Variants in ATF6 observed in about 807,000 individuals in gnomAD.
ATF6 encodes the protein cyclic AMP-dependent transcription factor ATF-6 alpha.
Under a neutral mutation model 83.6 loss-of-function variants are expected in ATF6, and 53 were observed. That is an observed-to-expected ratio of 0.63 (90% CI 0.51 to 0.80). ATF6 has a LOEUF of 0.80. Ranked by LOEUF, ATF6 falls within the 30% of genes least tolerant of loss-of-function variation. The pLI, the probability that ATF6 is intolerant of heterozygous loss-of-function variation, is 0.00. For missense variants in ATF6, 744 were observed against 797.9 expected (o/e 0.93, Z 0.81); for synonymous variants, 288 against 285.8 (o/e 1.01, Z -0.08).
intron 10 of ATF6, 53 bp from the exon 11 acceptor site, chr1:161,851,669 C>G: frequency 7.8e-7 from 1 of 1,289,436 alleles, no homozygotes; most frequent in Non-Finnish European, 1.1e-6. Flanking sequence ...TTATAGCAAA[C>G]TTCTTAGGAA....
intron 14 of ATF6, among the ~76,000 whole-genome samples, chr1:161,888,626 T>G (rs1687481808): frequency 6.6e-6 from 1 of 152,216 alleles, no homozygotes; most frequent in Non-Finnish European, 1.5e-5. Flanking sequence ...CAAGTACTGT[T>G]AATTTTACTT....
chr1:161,961,644 TTTTA>T lies in ATF6; in HGVS notation c.*2997_*3000del, dbSNP rs1315402243. 10 of 152,206 alleles carry T rather than the reference TTTTA, an allele frequency of 6.6e-5. No homozygotes were observed. The highest frequency in any genetic ancestry group is 1.3e-4 in the Admixed American group (2 of 15,280). The allele number at this position is 152,206 out of a possible 1,614,324, so 9.4% of individuals were successfully genotyped here. On this transcript the variant is annotated 3_prime_UTR_variant, in exon 16 of 16. Transcript: ENST00000367942. Reference sequence around the variant, plus strand: ...GAAATTGTGGGTAATGTGTGTATTTTTTTATTTATTAAATTTTAAACAGGATTGT... The same window carrying T: ...GAAATTGTGGGTAATGTGTGTATTTTTTTATTAAATTTTAAACAGGATTGT...
chr1:161,844,742 C>T (rs1686442094), intron 9 of ATF6, among the ~76,000 whole-genome samples: 1 of 151,818 alleles, frequency 6.6e-6, no homozygotes, highest in East Asian at 1.9e-4. Flanking sequence ...AGTTAGTTTC[C>T]TAAAGAAGAA....
At chr1:161,930,138 C>T (rs1338273666) in intron 15 of ATF6, among the ~76,000 whole-genome samples, 2 of 152,210 alleles carry the variant, frequency 1.3e-5, no homozygotes, top group Non-Finnish European at 2.9e-5. Flanking sequence ...AATGTTTTTA[C>T]TCAAGCCGAT....
At chr1:161,824,119 A>G (rs1335507377) in intron 9 of ATF6, among the ~76,000 whole-genome samples, 2 of 151,964 alleles carry the variant, frequency 1.3e-5, no homozygotes, top group African/African-American at 2.4e-5. Flanking sequence ...ATTTCCTAAC[A>G]CTGGATATTG....
chr1:161,788,027 T>C (rs572969870), intron 4 of ATF6, among the ~76,000 whole-genome samples: 1 of 152,348 alleles, frequency 6.6e-6, no homozygotes, highest in Admixed American at 6.5e-5. Context: ...ATAATGAATA[T>C]TTTAAAAAAT....
chr1:161,783,849 T>C (rs1187215772), intron 3 of ATF6, 141 bp from the exon 4 acceptor site: 3 of 608,222 alleles, frequency 4.9e-6, no homozygotes, highest in Non-Finnish European at 8.7e-6. Context: ...TCTGCATCTT[T>C]CATTTTCACT....
intron 2 of ATF6, among the ~76,000 whole-genome samples, chr1:161,780,139 T>C (rs900372568): frequency 6.6e-6 from 1 of 152,190 alleles, no homozygotes; most frequent in African/African-American, 2.4e-5. Flanking sequence ...ATACTTTTTT[T>C]TCATGTGCAC....
At chr1:161,823,348 A>G (rs139978436) in intron 9 of ATF6, among the ~76,000 whole-genome samples, 22 of 152,200 alleles carry the variant, frequency 1.4e-4, no homozygotes, top group African/African-American at 5.3e-4. Flanking sequence ...TTTGGGGGGA[A>G]GCTCAAATAC....
At chr1:161,900,462 A>G (rs540788340) in intron 14 of ATF6, among the ~76,000 whole-genome samples, 189 of 152,264 alleles carry the variant, frequency 1.2e-3, no homozygotes, top group African/African-American at 4.3e-3. Context: ...GGGAGTTAAC[A>G]TTTTCAATAA....
chr1:161,880,497 A>G (rs187017312), intron 14 of ATF6, among the ~76,000 whole-genome samples: 130 of 152,166 alleles, frequency 8.5e-4, no homozygotes, highest in African/African-American at 3.0e-3. Context: ...TGTTACTACA[A>G]ATTAGTTTAT....
intron 1 of ATF6, among the ~76,000 whole-genome samples, chr1:161,768,868 T>C (rs1684325825): frequency 6.6e-6 from 1 of 152,186 alleles, no homozygotes; most frequent in African/African-American, 2.4e-5. Flanking sequence ...TGTCTAGCCT[T>C]GATTTTTTTT....
intron 13 of ATF6, 90 bp from the exon 14 acceptor site, chr1:161,863,108 A>G (rs1686919422): frequency 4.4e-6 from 3 of 677,038 alleles, no homozygotes; most frequent in Non-Finnish European, 7.3e-6. Flanking sequence ...AGAGATTCTT[A>G]GAATTCAGAC....
At chr1:161,915,075 C>T (rs1226485540) in intron 15 of ATF6, among the ~76,000 whole-genome samples, 2 of 152,080 alleles carry the variant, frequency 1.3e-5, no homozygotes, top group African/African-American at 2.4e-5. Flanking sequence ...CTCCAACATC[C>T]TCTCTCCCCA....
At chr1:161,811,698 CATCCATCCATCCATCCACT>C (rs1345851098) in intron 7 of ATF6, among the ~76,000 whole-genome samples, 1 of 150,802 alleles carries the variant, frequency 6.6e-6, no homozygotes, top group Non-Finnish European at 1.5e-5. Context: ...ACTATCCATC[CATCCATCCATCCATCCACT>C]ATCCATCCAT....
chr1:161,800,734 A>G (rs1254028925), intron 6 of ATF6, among the ~76,000 whole-genome samples: 1 of 152,196 alleles, frequency 6.6e-6, no homozygotes, highest in African/African-American at 2.4e-5. Flanking sequence ...TTCAGGTGAG[A>G]AGAAACATCA....
chr1:161,837,826 G>A (rs115647014), intron 9 of ATF6, among the ~76,000 whole-genome samples: 36 of 152,170 alleles, frequency 2.4e-4, no homozygotes, highest in Admixed American at 1.3e-3. Context: ...TACTAATTAC[G>A]TTTTATGCAC....
Position 161,791,469 on chromosome 1 carries a change from C to CT in ATF6, c.417dup (p.Asn140Ter), listed in dbSNP as rs765383904. ...CCCCTTTCCTTATATGGTGAAAACT[C>CT]TAATAGTCTCTCTTCAGCGGAGCCA... is the stretch of plus-strand genomic sequence containing the variant. On this transcript the variant is annotated frameshift_variant, in exon 5 of 16. Transcript: ENST00000367942. LOFTEE classifies it high-confidence loss of function. The CT allele has an allele frequency of 6.2e-7, 1 of 1,612,914 alleles. No individual in the cohort carries two copies. Among genetic ancestry groups the CT allele is most frequent in the Non-Finnish European group, 8.5e-7 (1 of 1,179,628 alleles).
At chr1:161,884,480 T>C (rs1687379879) in intron 14 of ATF6, among the ~76,000 whole-genome samples, 1 of 152,172 alleles carries the variant, frequency 6.6e-6, no homozygotes, top group African/African-American at 2.4e-5. Context: ...TTATTCATAC[T>C]AAGTGTGACT....
Sources: gnomAD v4.1 joint callset for allele counts (sites outside exome capture counted in the v4.1 genomes callset) on GRCh38, gnomAD v4.1.1 for gene constraint, MANE v1.5 for transcripts, NCBI Gene and HGNC (gene_info 2026-07-23, HGNC 2026-07-21) for gene names.